The following SULT1E1 variants were observed in gnomAD, a reference collection of about 807,000 sequenced individuals.
SULT1E1 encodes the protein sulfotransferase family 1E member 1.
SULT1E1 carries 36 observed loss-of-function variants against 33.6 expected under a neutral mutation model. The observed-to-expected ratio is 1.07, with a 90% CI of 0.82 to 1.41. The LOEUF is 1.41. SULT1E1 is among the 40% of genes most tolerant of loss of function. The pLI is 0.00. For missense variants in SULT1E1, 371 were observed against 345.7 expected, an observed-to-expected ratio of 1.07 and a Z score of -0.58; for synonymous variants, 121 against 111.7, an observed-to-expected ratio of 1.08 and a Z score of -0.53.
chr4:69,844,246 T>G lies in SULT1E1; in HGVS notation c.687A>C (p.Gln229His). Residue 229 changes from glutamine (Q) to histidine (H), a missense_variant, in exon 7 of 8, where the codon CAA (glutamine) becomes CAC (histidine). Gln to His is a conservative substitution (Grantham distance 24). Transcript: ENST00000226444. Reference sequence around the variant, plus strand: ...TTGTGGATGGATTGTTCTTCATCTCTTGGAACGAAGTATGATGTATAATCC... The same window carrying G: ...TTGTGGATGGATTGTTCTTCATCTCGTGGAACGAAGTATGATGTATAATCC... ...VDRIIHHTSF[Q>H]EMKNNPSTNY... The G allele has an allele frequency of 6.2e-7, 1 of 1,613,960 alleles. No individual in the cohort carries two copies. The highest frequency in any genetic ancestry group is 1.7e-4 in the Middle Eastern group (1 of 6,058).
chr4:69,825,272 C>T, the SULT1E1 span, among the ~76,000 whole-genome samples: 1 of 152,146 alleles, frequency 6.6e-6, no homozygotes, highest in Non-Finnish European at 1.5e-5. Flanking sequence ...ATTCCGGGCA[C>T]ATCTGAACAT....
At chr4:69,836,391 T>G (rs1318649647), downstream of SULT1E1, among the ~76,000 whole-genome samples, 1 of 152,202 alleles carries the variant, frequency 6.6e-6, no homozygotes, top group Non-Finnish European at 1.5e-5. Flanking sequence ...TATAGAGACA[T>G]TCTAAGGTTA....
downstream of SULT1E1, among the ~76,000 whole-genome samples, chr4:69,838,248 T>C (rs1720825297): frequency 6.6e-6 from 1 of 152,172 alleles, no homozygotes; most frequent in Non-Finnish European, 1.5e-5. Flanking sequence ...ATTAATTTTC[T>C]CCATTGTTTT....
downstream of SULT1E1, among the ~76,000 whole-genome samples, chr4:69,839,153 G>A (rs1578099909): frequency 6.6e-6 from 1 of 152,186 alleles, no homozygotes; most frequent in Non-Finnish European, 1.5e-5. Flanking sequence ...GTACTTCCTA[G>A]TGTTGACAGA....
At chr4:69,837,761 G>T (rs1411352714), downstream of SULT1E1, among the ~76,000 whole-genome samples, 1 of 152,078 alleles carries the variant, frequency 6.6e-6, no homozygotes. Flanking sequence ...AAACTCCTAG[G>T]TTCAAGCAGA....
chr4:69,853,701 T>G (rs915122208), intron 4 of SULT1E1, among the ~76,000 whole-genome samples: 1 of 152,186 alleles, frequency 6.6e-6, no homozygotes, highest in Non-Finnish European at 1.5e-5. Flanking sequence ...TGTCTTACTC[T>G]TATGTCCCTA....
chr4:69,831,888 A>T, the SULT1E1 span, among the ~76,000 whole-genome samples: 1 of 152,090 alleles, frequency 6.6e-6, no homozygotes, highest in Non-Finnish European at 1.5e-5. Flanking sequence ...TCCCCACATT[A>T]CTTCCTGCGT....
rs748563147 is a variant in SULT1E1 at position 69,842,007 on chromosome 4, C to T, written c.872G>A (p.Arg291Gln). ...AGAAAGACCTTCTTAGATCTCAGTT[C>T]GAAACTTCAGTGTAGATTCCTTCAT... ...QQMKESTLKFRTEI is the reference protein window; with the variant it reads ...QQMKESTLKFQTEI Residue 291 changes from arginine to glutamine, a missense_variant, in exon 8 of 8, where the codon CGA becomes CAA. Transcript: ENST00000226444. The T allele has an allele frequency of 2.0e-5, 32 of 1,598,142 alleles. No individual in the cohort carries two copies. Among genetic ancestry groups the T allele is most frequent in the East Asian group, 4.5e-5 (2 of 44,508 alleles).
intron 7 of SULT1E1, among the ~76,000 whole-genome samples, chr4:69,842,986 G>A (rs190767145): frequency 1.5e-3 from 235 of 151,922 alleles, no homozygotes; most frequent in East Asian, 0.012. Context: ...ACAGGCGCCC[G>A]CCACCATGCC....
At chr4:69,845,992 C>T (rs1019011247) in intron 6 of SULT1E1, among the ~76,000 whole-genome samples, 2 of 150,500 alleles carry the variant, frequency 1.3e-5, no homozygotes, top group Non-Finnish European at 3.0e-5. Flanking sequence ...TCTAAAATTA[C>T]TGAAATACCA....
At chr4:69,830,216 A>G in the SULT1E1 span, among the ~76,000 whole-genome samples, 2 of 152,196 alleles carry the variant, frequency 1.3e-5, no homozygotes, top group Admixed American at 1.3e-4. Flanking sequence ...TGCTGCCAGC[A>G]AATCAGCCTT....
rs1721213044 is a variant in SULT1E1, at chr4:69,855,350, A to C, written c.222T>G (p.Ile74Met). ...ATTCCAGGAAAGGTATTCGATTAAA[A>C]ATTACATCTTCTTTGCACTTTTCCA... is the stretch of plus-strand genomic sequence containing the variant. ...GDVEKCKEDVIFNRIPFLECR... is the reference protein window; with the variant it reads ...GDVEKCKEDVMFNRIPFLECR... Residue 74 changes from isoleucine (I) to methionine (M), a missense_variant, in exon 3 of 8, where the codon ATT becomes ATG. Ile to Met is a conservative substitution (Grantham distance 10). Transcript: ENST00000226444. 2 of 1,613,146 alleles carry C rather than the reference A, an allele frequency of 1.2e-6. No homozygotes were observed. The highest frequency in any genetic ancestry group is 1.7e-5 in the Admixed American group (1 of 59,968).
chr4:69,843,251 A>T (rs1187761446), intron 7 of SULT1E1, among the ~76,000 whole-genome samples: 1 of 152,204 alleles, frequency 6.6e-6, no homozygotes, highest in Non-Finnish European at 1.5e-5. Context: ...TCCTAAAAAA[A>T]TCAGATAGGT....
At chr4:69,834,908 C>G in the SULT1E1 span, among the ~76,000 whole-genome samples, 4 of 152,024 alleles carry the variant, frequency 2.6e-5, no homozygotes, top group African/African-American at 9.7e-5. Context: ...TGGATCCTCT[C>G]CCTATACTTA....
In SULT1E1 at chr4:69,849,478, C is replaced by A; in HGVS notation, c.455G>T (p.Gly152Val). The change falls in exon 5 of 8, where the codon GGA (glycine) becomes GTA (valine). Residue 152 changes from glycine (G) to valine (V), a missense_variant. By Grantham distance (109) the Gly-to-Val change is moderately radical (BLOSUM62 -3). Transcript: ENST00000226444. ...TTTCTCCACAAACTCTGGAAAGGAT[C>A]CAGGATTTGGATGACCAGCCACCAT... is the stretch of plus-strand genomic sequence containing the variant. The part of the protein sequence containing the change: ...FLMVAGHPNP[G>V]SFPEFVEKFM... 6.2e-7 allele frequency: 1 copy of A among 1,611,652 alleles called. No homozygotes were observed. Among genetic ancestry groups the A allele is most frequent in the Non-Finnish European group, 8.5e-7 (1 of 1,178,282 alleles).
chr4:69,843,908 T>C (rs1720927346), intron 7 of SULT1E1, among the ~76,000 whole-genome samples: 1 of 152,214 alleles, frequency 6.6e-6, no homozygotes, highest in African/African-American at 2.4e-5. Context: ...TAGTAGAGTG[T>C]GATACTATTT....
rs757405253 is a variant in SULT1E1, at chr4:69,849,527, C to T, written c.406G>A (p.Val136Ile). Residue 136 changes from valine (V) to isoleucine (I), a missense_variant, in exon 5 of 8, where the codon GTT (valine) becomes ATT (isoleucine). Val to Ile is a conservative substitution (Grantham distance 29, BLOSUM62 3). Coordinates refer to ENST00000226444, the MANE Select transcript of SULT1E1 (RefSeq NM_005420.3). ...YLCRNAKDVA[V>I]SFYYFFLMVA... ...ATTAGAAAGAAATAATAAAAGGAAA[C>T]AGCCACATCCTTTGCATTCCGGCAA... 1.8e-5 allele frequency: 29 copies of T among 1,609,810 alleles called. No individual in the cohort carries two copies. In the East Asian group the frequency reaches 5.1e-4, roughly 28 times the overall value.
the SULT1E1 span, among the ~76,000 whole-genome samples, chr4:69,831,564 G>C: frequency 6.6e-6 from 1 of 151,996 alleles, no homozygotes; most frequent in Non-Finnish European, 1.5e-5. Context: ...ACCTTTGGGG[G>C]GTCAGTTTAA....
At chr4:69,848,142 G>A (rs567144970) in intron 5 of SULT1E1, among the ~76,000 whole-genome samples, 137 of 151,112 alleles carry the variant, frequency 9.1e-4, no homozygotes, top group African/African-American at 3.2e-3. Flanking sequence ...AGTGAAGGGA[G>A]TTGACTTAGT....
Sources: allele counts gnomAD v4.1 joint callset (sites outside exome capture counted in the v4.1 genomes callset), GRCh38; gene constraint gnomAD v4.1.1; transcripts MANE v1.5; gene names NCBI Gene and HGNC (gene_info 2026-07-23, HGNC 2026-07-21).